Variants in HECTD2 observed in about 807,000 individuals in gnomAD.
HECTD2 encodes HECT domain E3 ubiquitin protein ligase 2.
HECTD2 carries 35 observed loss-of-function variants against 103.2 expected under a neutral mutation model. That is an observed-to-expected ratio of 0.34 (90% CI 0.26 to 0.45). The LOEUF (loss-of-function observed/expected upper bound fraction) is 0.45. Ranked by LOEUF, HECTD2 falls within the 20% of genes least tolerant of loss-of-function variation. The probability of loss-of-function intolerance (pLI) is 1.00; values close to 1 mark genes in which losing one functional copy is unlikely to be tolerated. For synonymous variants in HECTD2, 281 were observed against 329.9 expected, an observed-to-expected ratio of 0.85 and a Z score of 1.61; for missense variants, 596 against 937.4, an observed-to-expected ratio of 0.64 and a Z score of 4.76.
At chr10:91,468,759 C>T (rs1480208313) in intron 5 of HECTD2, among the ~76,000 whole-genome samples, 2 of 151,826 alleles carry the variant, frequency 1.3e-5, no homozygotes, top group East Asian at 3.9e-4. Flanking sequence ...AATTTTACCC[C>T]ATCTCTACAA....
intron 4 of HECTD2, 124 bp from the exon 5 acceptor site, chr10:91,461,971 A>C: frequency 4.3e-6 from 3 of 704,128 alleles, no homozygotes; most frequent in Non-Finnish European, 6.9e-6. Flanking sequence ...TTTTGCCCTA[A>C]CAGTTCTTTT....
chr10:91,490,858 T>C (rs1846447231), intron 11 of HECTD2, among the ~76,000 whole-genome samples: 1 of 117,254 alleles, frequency 8.5e-6, no homozygotes, highest in Non-Finnish European at 1.6e-5. Flanking sequence ...GCCACTGCAG[T>C]CCAGCTTGGG....
At chr10:91,485,359 T>A in intron 10 of HECTD2, 56 bp downstream of exon 10, 1 of 1,338,164 alleles carries the variant, frequency 7.5e-7, no homozygotes, top group Non-Finnish European at 1.0e-6. Flanking sequence ...TTCAAAAGAA[T>A]GACTAGAGTT....
chr10:91,429,617 G>A (rs1843744273), intron 2 of HECTD2, among the ~76,000 whole-genome samples: 1 of 152,202 alleles, frequency 6.6e-6, no homozygotes. Flanking sequence ...CAGAGTGTAT[G>A]TGTCGAGGAA....
intron 4 of HECTD2, among the ~76,000 whole-genome samples, 156 bp from the exon 5 acceptor site, chr10:91,461,939 C>A (rs974106813): frequency 6.6e-6 from 1 of 152,080 alleles, no homozygotes; most frequent in Admixed American, 6.5e-5. Flanking sequence ...AATCTTTGTA[C>A]ATTTCTTTTT....
chr10:91,498,017 T>G, intron 15 of HECTD2, 91 bp from the exon 16 acceptor site: 1 of 790,964 alleles, frequency 1.3e-6, no homozygotes. Context: ...ATGATCTTTA[T>G]ATACATATGC....
chr10:91,492,412 G>T lies in HECTD2; in HGVS notation c.1360G>T (p.Gly454Cys). 6.2e-7 allele frequency: 1 copy of T among 1,613,112 alleles called. No individual in the cohort carries two copies. The highest frequency in any genetic ancestry group is 8.5e-7 in the Non-Finnish European group (1 of 1,179,228). Residue 454 changes from glycine to cysteine, a missense_variant, in exon 13 of 21, where the codon GGT becomes TGT. Coordinates refer to ENST00000298068, the MANE Select transcript of HECTD2 (RefSeq NM_182765.6). The stretch of plus-strand genomic sequence containing the variant: ...AAAAGTTACATTTGTAGGGGAAGCT[G>T]GTTTGGATATGGGTGGTTTGACTAA... ...KLKVTFVGEAGLDMGGLTKEW... is the reference protein window; with the variant it reads ...KLKVTFVGEACLDMGGLTKEW...
chr10:91,514,571 G>T lies in HECTD2; in HGVS notation c.*2187G>T, dbSNP rs1459612625. ...ATTATTGATTTTTGTATCTGCCACAGTAAATTAAAGCATTACACAGTATTT... is the reference window on the plus strand; with the variant it reads ...ATTATTGATTTTTGTATCTGCCACATTAAATTAAAGCATTACACAGTATTT... On this transcript the variant is annotated 3_prime_UTR_variant, in exon 21 of 21. Transcript: ENST00000298068. The T allele has an allele frequency of 6.6e-6, 1 of 152,524 alleles. No homozygotes were observed. The highest frequency in any genetic ancestry group is 1.9e-4 in the East Asian group (1 of 5,204). The allele number at this position is 152,524 out of a possible 1,614,324, so 9.4% of individuals were successfully genotyped here.
At chr10:91,429,658 A>G (rs1019637106) in intron 2 of HECTD2, among the ~76,000 whole-genome samples, 5 of 151,982 alleles carry the variant, frequency 3.3e-5, no homozygotes, top group Non-Finnish European at 7.4e-5. Context: ...TTTCTAGTTT[A>G]TTTGCGTAGA....
intron 20 of HECTD2, among the ~76,000 whole-genome samples, chr10:91,503,243 T>A (rs1011591254): frequency 3.9e-5 from 6 of 152,082 alleles, no homozygotes; most frequent in Non-Finnish European, 8.8e-5. Flanking sequence ...TGGCTATTGT[T>A]ATATTAAAAA....
At chr10:91,418,360 A>G (rs1400745984) in intron 1 of HECTD2, among the ~76,000 whole-genome samples, 1 of 152,188 alleles carries the variant, frequency 6.6e-6, no homozygotes, top group African/African-American at 2.4e-5. Flanking sequence ...CCTAGTGATA[A>G]ATGAACTGAA....
chr10:91,469,786 A>G (rs1254059056), intron 5 of HECTD2, among the ~76,000 whole-genome samples: 1 of 152,228 alleles, frequency 6.6e-6, no homozygotes, highest in Admixed American at 6.5e-5. Flanking sequence ...GGCAAGTTGT[A>G]TAAGAAGAAA....
chr10:91,457,460 A>C (rs1229987306), intron 2 of HECTD2, among the ~76,000 whole-genome samples: 3 of 152,080 alleles, frequency 2.0e-5, no homozygotes, highest in Non-Finnish European at 4.4e-5. Flanking sequence ...AAAAAGAGTT[A>C]TACACCATGA....
chr10:91,422,988 A>G (rs940849873), intron 1 of HECTD2, among the ~76,000 whole-genome samples: 2 of 152,184 alleles, frequency 1.3e-5, no homozygotes, highest in African/African-American at 2.4e-5. Flanking sequence ...AAGTTTCCCT[A>G]AAGTACACTT....
intron 20 of HECTD2, among the ~76,000 whole-genome samples, chr10:91,503,425 G>C (rs1023595302): frequency 1.5e-4 from 23 of 152,276 alleles, no homozygotes; most frequent in East Asian, 3.9e-4. Flanking sequence ...TGCGCACACC[G>C]TGCGCGAGCC....
intron 14 of HECTD2, 55 bp from the exon 15 acceptor site, chr10:91,496,159 G>C: frequency 7.8e-7 from 1 of 1,275,972 alleles, no homozygotes; most frequent in African/African-American, 1.5e-5. Context: ...GCATAATTCA[G>C]AACTCATTTG....
At chr10:91,468,756 C>A (rs1406465801) in intron 5 of HECTD2, among the ~76,000 whole-genome samples, 3 of 151,918 alleles carry the variant, frequency 2.0e-5, no homozygotes, top group African/African-American at 7.3e-5. Context: ...ACAAATTTTA[C>A]CCCATCTCTA....
At chr10:91,415,955 A>G (rs1396395483) in intron 1 of HECTD2, among the ~76,000 whole-genome samples, 1 of 152,146 alleles carries the variant, frequency 6.6e-6, no homozygotes, top group African/African-American at 2.4e-5. Context: ...CATACCCAGC[A>G]TGTCTCTAAG....
chr10:91,484,429 G>A, intron 8 of HECTD2, 78 bp from the exon 9 acceptor site: 1 of 1,511,120 alleles, frequency 6.6e-7, no homozygotes, highest in Admixed American at 1.9e-5. Context: ...GGCTTAGGAT[G>A]TAGTTTAATA....
Sources: allele counts gnomAD v4.1 joint callset (sites outside exome capture counted in the v4.1 genomes callset), GRCh38; gene constraint gnomAD v4.1.1; transcripts MANE v1.5; gene names NCBI Gene and HGNC (gene_info 2026-07-23, HGNC 2026-07-21).